The following SPINT2 variants were observed in gnomAD, a reference collection of about 807,000 sequenced individuals.
SPINT2 encodes serine peptidase inhibitor, Kunitz type 2.
Under a neutral mutation model 30.1 loss-of-function variants are expected in SPINT2, and 18 were observed. The ratio of observed to expected loss-of-function variants is 0.60; its 90% CI spans 0.41 to 0.89. The LOEUF is 0.89. Ranked by LOEUF, SPINT2 falls within the 40% of genes least tolerant of loss-of-function variation. The probability of loss-of-function intolerance (pLI) is 0.00; values close to 1 mark genes in which losing one functional copy is unlikely to be tolerated. For synonymous variants in SPINT2, 139 were observed against 137.9 expected (o/e 1.01, Z -0.05); for missense variants, 276 against 334.3 (o/e 0.83, Z 1.36).
chr19:38,269,527 G>A (rs529303130), intron 1 of SPINT2, among the ~76,000 whole-genome samples: 4 of 140,518 alleles, frequency 2.8e-5, no homozygotes, highest in South Asian at 2.3e-4. Context: ...TGCCTCATCC[G>A]CCTGAGTAGC....
intron 1 of SPINT2, among the ~76,000 whole-genome samples, chr19:38,270,542 T>C (rs1276762287): frequency 1.3e-5 from 2 of 152,202 alleles, no homozygotes; most frequent in Non-Finnish European, 2.9e-5. Context: ...GTGTCAGGGT[T>C]GGTGTGCTTA....
chr19:38,286,279 C>G (rs1027606633), intron 2 of SPINT2, among the ~76,000 whole-genome samples: 3 of 152,176 alleles, frequency 2.0e-5, no homozygotes, highest in African/African-American at 7.2e-5. Context: ...AGCAGGCACT[C>G]GTGTCCCCGG....
intron 1 of SPINT2, among the ~76,000 whole-genome samples, chr19:38,283,126 A>T (rs1968599693): frequency 6.6e-6 from 1 of 151,850 alleles, no homozygotes; most frequent in Non-Finnish European, 1.5e-5. Flanking sequence ...CTCCTGGGCA[A>T]CATGGTGAAA....
chr19:38,291,993 CAT>C lies in SPINT2; in HGVS notation c.749_750del (p.Tyr250CysfsTer35). 6.2e-7 allele frequency: 1 copy of C among 1,614,086 alleles called. No individual in the cohort carries two copies. The highest frequency in any genetic ancestry group is 8.5e-7 in the Non-Finnish European group (1 of 1,180,004). ...GACAAGGAGCAGCTGGTGAAGAACA[CAT>C]ATGTCCTGTGACCGCCCTGTCGCCA... is the stretch of plus-strand genomic sequence containing the variant. On this transcript the variant is annotated frameshift_variant, in exon 7 of 7. Transcript: ENST00000301244. LOFTEE classifies it high-confidence loss of function.
rs930135918 is a variant in SPINT2 at position 38,279,682 on chromosome 19, G to A, written c.107-3945G>A. Among the ~76,000 whole-genome samples the A allele has an allele frequency of 2.6e-5, 4 of 152,090 alleles. No individual in the cohort carries two copies. In the South Asian group the frequency reaches 6.2e-4, roughly 24 times the overall value. On this transcript the variant is annotated intron_variant, in intron 1 of 6. Transcript: ENST00000301244. ...CTTTTTTGTTTGTTTGAGACTGAGC[G>A]TTGCTCTGTCGCCCAGGCTGGAGTG... is the stretch of plus-strand genomic sequence containing the variant.
In SPINT2 at chr19:38,268,766, C is replaced by CGTGT. The variant is rs10526704; in HGVS notation, c.106+3789_106+3792dup. ...GACAGAGAGAGAGCATGCGCGCGCGCGTGTGTGTGTGTGTGTGTGTGTGTT... is the reference window on the plus strand; with the variant it reads ...GACAGAGAGAGAGCATGCGCGCGCGCGTGTGTGTGTGTGTGTGTGTGTGTGTGTT... On this transcript the variant is annotated intron_variant, in intron 1 of 6. Coordinates refer to ENST00000301244, the MANE Select transcript of SPINT2 (RefSeq NM_021102.4). Among the ~76,000 whole-genome samples the CGTGT allele has an allele frequency of 3.5e-3, 519 of 149,916 alleles. 5 individuals are homozygous for CGTGT. Among genetic ancestry groups the CGTGT allele is most frequent in the African/African-American group, 0.011 (455 of 40,728 alleles).
intron 1 of SPINT2, among the ~76,000 whole-genome samples, chr19:38,268,756 T>TGC (rs67698523): frequency 5.2e-4 from 78 of 148,942 alleles, no homozygotes; most frequent in East Asian, 1.6e-3. Flanking sequence ...AGAGAGAGCA[T>TGC]GCGCGCGCGC....
intron 1 of SPINT2, among the ~76,000 whole-genome samples, chr19:38,282,673 C>T (rs1021400587): frequency 2.0e-5 from 3 of 152,206 alleles, no homozygotes; most frequent in African/African-American, 7.2e-5. Context: ...AACCCAGGCC[C>T]ATCTTGGTGT....
intron 2 of SPINT2, among the ~76,000 whole-genome samples, chr19:38,284,049 G>C (rs1968613612): frequency 6.6e-6 from 1 of 151,844 alleles, no homozygotes; most frequent in Non-Finnish European, 1.5e-5. Flanking sequence ...CACCTTGTTA[G>C]CCAGGATGGT....
At chr19:38,280,785 G>A (rs1229631808) in intron 1 of SPINT2, among the ~76,000 whole-genome samples, 1 of 152,172 alleles carries the variant, frequency 6.6e-6, no homozygotes, top group Non-Finnish European at 1.5e-5. Flanking sequence ...GGCGCCGGGT[G>A]TTGTTGGGCC....
At chr19:38,279,328 GTC>G (rs1336987539) in intron 1 of SPINT2, among the ~76,000 whole-genome samples, 1 of 151,648 alleles carries the variant, frequency 6.6e-6, no homozygotes, top group Non-Finnish European at 1.5e-5. Flanking sequence ...GAGAAACCGC[GTC>G]TCTCCTAAAA....
chr19:38,280,980 G>A (rs111582153), intron 1 of SPINT2, among the ~76,000 whole-genome samples: 40 of 152,356 alleles, frequency 2.6e-4, no homozygotes, highest in African/African-American at 9.4e-4. Flanking sequence ...GGGCGGCGGA[G>A]AGGCTGCTGG....
At chr19:38,282,687 CAA>C (rs1968593168) in intron 1 of SPINT2, among the ~76,000 whole-genome samples, 1 of 152,162 alleles carries the variant, frequency 6.6e-6, no homozygotes, top group Non-Finnish European at 1.5e-5. Context: ...TTGGTGTGCC[CAA>C]ATAGGAGCTG....
At chr19:38,278,483 T>C (rs549913285) in intron 1 of SPINT2, among the ~76,000 whole-genome samples, 5 of 152,262 alleles carry the variant, frequency 3.3e-5, no homozygotes, top group African/African-American at 1.2e-4. Flanking sequence ...CCATTAGAGG[T>C]AGGGCACATG....
chr19:38,290,346 C>A lies in SPINT2; in HGVS notation c.553+66C>A. 6.3e-7 allele frequency: 1 copy of A among 1,589,238 alleles called. No individual in the cohort carries two copies. The highest frequency in any genetic ancestry group is 8.6e-7 in the Non-Finnish European group (1 of 1,168,400). ...AGGACCCCGGTCCATCTCCCCATCC[C>A]TAAAATATGAAGGCCTTGGAAATGC... On this transcript the variant is annotated intron_variant, in intron 5 of 6. Coordinates refer to ENST00000301244, the MANE Select transcript of SPINT2 (RefSeq NM_021102.4). The surrounding 1 kb of genome is among the most constrained non-coding windows in gnomAD (Gnocchi z 4.3).
rs148116512 is a variant in SPINT2, at chr19:38,291,083, C to T, written c.592+508C>T. 1.6e-3 allele frequency: 331 copies of T among 212,704 alleles called. 11 individuals are homozygous for T. In the East Asian group the frequency reaches 0.032, roughly 21 times the overall value. 13.2% of individuals were successfully genotyped at this position (212,704 alleles called of 1,614,324 possible). A position where few individuals can be genotyped will look rare whatever the true frequency, so the allele number is the denominator to read the frequency against. The stretch of plus-strand genomic sequence containing the variant: ...CTGGCCTCTTTCTCCACCTGTTTCC[C>T]GGTGAAGGAGCCAGGACCTGGCCTG... On this transcript the variant is annotated intron_variant, in intron 6 of 6. Transcript: ENST00000301244.
chr19:38,271,294 A>G (rs1419143458), intron 1 of SPINT2, among the ~76,000 whole-genome samples: 1 of 151,608 alleles, frequency 6.6e-6, no homozygotes, highest in Non-Finnish European at 1.5e-5. Flanking sequence ...GATCGAGACC[A>G]TCCTGGCTAA....
In SPINT2 at chr19:38,290,372, T is replaced by C. The variant is rs1968702460; in HGVS notation, c.553+92T>C. On this transcript the variant is annotated intron_variant, in intron 5 of 6. Transcript: ENST00000301244. This position sits in a 1 kb window ranked among gnomAD's most constrained non-coding sequence, Gnocchi z 4.3. Reference sequence around the variant, plus strand: ...TAAAATATGAAGGCCTTGGAAATGCTGTTCTTGGGCCCACCAGGGCAGCAA... The same window carrying C: ...TAAAATATGAAGGCCTTGGAAATGCCGTTCTTGGGCCCACCAGGGCAGCAA... 1.3e-6 allele frequency: 2 copies of C among 1,579,150 alleles called. No individual in the cohort carries two copies. Among genetic ancestry groups the C allele is most frequent in the African/African-American group, 2.7e-5 (2 of 74,068 alleles).
intron 2 of SPINT2, among the ~76,000 whole-genome samples, chr19:38,284,552 C>T (rs1432112060): frequency 6.6e-6 from 1 of 152,042 alleles, no homozygotes; most frequent in Non-Finnish European, 1.5e-5. Context: ...CACAGCAGAC[C>T]CTCACTCCTC....
Sources: allele counts gnomAD v4.1 joint callset (sites outside exome capture counted in the v4.1 genomes callset), GRCh38; gene constraint gnomAD v4.1.1; non-coding constraint Gnocchi (gnomAD v3.1); transcripts MANE v1.5; gene names NCBI Gene and HGNC (gene_info 2026-07-23, HGNC 2026-07-21).